Variants in MACROD2 observed in about 807,000 individuals in gnomAD.
MACROD2 encodes mono-ADP ribosylhydrolase 2, also known as ADP-ribose glycohydrolase MACROD2.
Under a neutral mutation model 70.4 loss-of-function variants are expected in MACROD2, and 36 were observed. The ratio of observed to expected loss-of-function variants is 0.51; its 90% CI spans 0.39 to 0.68. The LOEUF (loss-of-function observed/expected upper bound fraction) is 0.68. MACROD2 is among the 30% of genes least tolerant of loss of function. The pLI is 0.00. For missense variants in MACROD2, 496 were observed against 538.4 expected (o/e 0.92, Z 0.78); for synonymous variants, 172 against 178.8 (o/e 0.96, Z 0.30).
chr20:15,991,375 G>A (rs2066556775), intron 15 of MACROD2, among the ~76,000 whole-genome samples: 1 of 152,170 alleles, frequency 6.6e-6, no homozygotes, highest in South Asian at 2.1e-4. Context: ...AGCCCTTGGT[G>A]TTTTCCATTT....
intron 2 of MACROD2, among the ~76,000 whole-genome samples, chr20:14,041,531 C>T (rs2053390104): frequency 6.6e-6 from 1 of 152,162 alleles, no homozygotes; most frequent in Admixed American, 6.6e-5. Context: ...AGAAATACTT[C>T]TGTAACAGCT....
At chr20:14,700,843 G>T (rs1600558517) in intron 5 of MACROD2, among the ~76,000 whole-genome samples, 3 of 152,242 alleles carry the variant, frequency 2.0e-5, no homozygotes, top group Admixed American at 2.0e-4. Flanking sequence ...GTAGGAGTGA[G>T]CTGGCTCACC....
chr20:15,578,094 C>G (rs924722764), intron 8 of MACROD2, among the ~76,000 whole-genome samples: 1 of 152,150 alleles, frequency 6.6e-6, no homozygotes, highest in African/African-American at 2.4e-5. Context: ...TGTCTGACAC[C>G]AAGTTACACT....
chr20:15,000,066 G>C (rs1437274039), intron 5 of MACROD2, among the ~76,000 whole-genome samples: 1 of 152,174 alleles, frequency 6.6e-6, no homozygotes, highest in Admixed American at 6.5e-5. Flanking sequence ...AGTGGAATTT[G>C]ACTGGGAACC....
At chr20:14,524,646 C>G (rs560262180) in intron 4 of MACROD2, among the ~76,000 whole-genome samples, 1 of 152,272 alleles carries the variant, frequency 6.6e-6, no homozygotes, top group South Asian at 2.1e-4. Flanking sequence ...ATGCTCTTGT[C>G]CCCTGCCTGC....
chr20:15,059,213 T>C (rs1419873743), intron 5 of MACROD2, among the ~76,000 whole-genome samples: 1 of 151,948 alleles, frequency 6.6e-6, no homozygotes, highest in African/African-American at 2.4e-5. Flanking sequence ...GTGAAAACCA[T>C]GTCTCTACTA....
chr20:15,901,815 G>C (rs1247412724), intron 10 of MACROD2, among the ~76,000 whole-genome samples: 1 of 152,054 alleles, frequency 6.6e-6, no homozygotes, highest in East Asian at 1.9e-4. Flanking sequence ...TCTAGTTATC[G>C]GCCCTCAGTT....
chr20:14,422,212 T>C (rs1312682921), intron 3 of MACROD2, among the ~76,000 whole-genome samples: 1 of 152,186 alleles, frequency 6.6e-6, no homozygotes, highest in Non-Finnish European at 1.5e-5. Context: ...AATAATAGTA[T>C]AGCAACCCCA....
intron 7 of MACROD2, among the ~76,000 whole-genome samples, chr20:15,448,288 G>C (rs1748831766): frequency 6.6e-6 from 1 of 152,062 alleles, no homozygotes; most frequent in African/African-American, 2.4e-5. Context: ...TCTGCTGTTT[G>C]CATCCTCAGC....
intron 5 of MACROD2, among the ~76,000 whole-genome samples, chr20:14,818,691 A>G (rs2072802022): frequency 6.6e-6 from 1 of 152,020 alleles, no homozygotes; most frequent in South Asian, 2.1e-4. Flanking sequence ...GTCCATTACA[A>G]AAACTATAAT....
intron 5 of MACROD2, among the ~76,000 whole-genome samples, chr20:14,774,603 TGTG>T: frequency 6.6e-6 from 1 of 152,086 alleles, no homozygotes; most frequent in Non-Finnish European, 1.5e-5. Flanking sequence ...GCTCAACTCT[TGTG>T]GTCTTTAAAG....
chr20:15,569,638 G>C (rs1247886215), intron 8 of MACROD2, among the ~76,000 whole-genome samples: 1 of 152,148 alleles, frequency 6.6e-6, no homozygotes, highest in Non-Finnish European at 1.5e-5. Flanking sequence ...GTGAGATCAT[G>C]CAGCATTTGT....
At chr20:14,331,722 G>GTTTTGC (rs1305415267) in intron 3 of MACROD2, among the ~76,000 whole-genome samples, 3 of 151,936 alleles carry the variant, frequency 2.0e-5, no homozygotes, top group African/African-American at 7.3e-5. Context: ...TTTGGTTTTG[G>GTTTTGC]CATATTAAAG....
At chr20:15,269,127 A>G (rs6110561) in intron 6 of MACROD2, among the ~76,000 whole-genome samples, 5,168 of 152,304 alleles carry the variant, frequency 0.034, 293 homozygotes, top group African/African-American at 0.12. Flanking sequence ...ATTTCATTGG[A>G]TTATAAATCA....
chr20:14,644,866 C>T (rs1985297613), intron 4 of MACROD2, among the ~76,000 whole-genome samples: 1 of 151,926 alleles, frequency 6.6e-6, no homozygotes, highest in South Asian at 2.1e-4. Flanking sequence ...AAGCAAACAA[C>T]AAAAACAAAC....
At chr20:15,001,112 G>A (rs1027032177) in intron 5 of MACROD2, among the ~76,000 whole-genome samples, 4 of 152,120 alleles carry the variant, frequency 2.6e-5, no homozygotes, top group South Asian at 2.1e-4. Context: ...GGTTCTGGAC[G>A]GAGAAGGTTA....
rs148118667 is a variant in MACROD2 at position 15,986,460 on chromosome 20, A to G, written c.986-267A>G. On this transcript the variant is annotated intron_variant, in intron 13 of 17. Transcript: ENST00000684519. ...AATTTCCAGGTTGTGTCCTCTATCC[A>G]TATCCTGTGCATTCATAAGCTAAGT... is the stretch of plus-strand genomic sequence containing the variant. Among the ~76,000 whole-genome samples the G allele has an allele frequency of 3.8e-3, 582 of 152,350 alleles. 2 individuals are homozygous for G. The highest frequency in any genetic ancestry group is 0.012 in the African/African-American group (483 of 41,576).
At chr20:14,445,513 C>T (rs573801532) in intron 3 of MACROD2, among the ~76,000 whole-genome samples, 10 of 152,042 alleles carry the variant, frequency 6.6e-5, no homozygotes, top group Non-Finnish European at 1.0e-4. Context: ...CCCCAATTCC[C>T]CATTTTCCTG....
At chr20:14,796,037 G>A (rs892076320) in intron 5 of MACROD2, among the ~76,000 whole-genome samples, 3 of 152,072 alleles carry the variant, frequency 2.0e-5, no homozygotes, top group African/African-American at 4.8e-5. Context: ...ATTATATGAA[G>A]TTTTATGAGC....
Sources: gnomAD v4.1 joint callset for allele counts (sites outside exome capture counted in the v4.1 genomes callset) on GRCh38, gnomAD v4.1.1 for gene constraint, MANE v1.5 for transcripts, NCBI Gene and HGNC (gene_info 2026-07-23, HGNC 2026-07-21) for gene names.